Variants in LRRC4C observed in about 807,000 individuals in gnomAD.
LRRC4C encodes the protein leucine rich repeat containing 4C, also known as leucine-rich repeat-containing protein 4C.
LRRC4C carries 5 observed loss-of-function variants against 33.6 expected under a neutral mutation model. The ratio of observed to expected loss-of-function variants is 0.15; its 90% CI spans 0.08 to 0.31. The LOEUF (loss-of-function observed/expected upper bound fraction) is 0.31, where lower values mean the gene tolerates loss of function less well. Ranked by LOEUF, LRRC4C falls within the 10% of genes least tolerant of loss-of-function variation. LRRC4C has a pLI of 1.00. For synonymous variants in LRRC4C, 329 were observed against 302.0 expected (o/e 1.09, Z -0.93); for missense variants, 560 against 796.7 (o/e 0.70, Z 3.58).
intron 1 of LRRC4C, among the ~76,000 whole-genome samples, chr11:41,310,671 A>C (rs1204960423): frequency 6.6e-6 from 1 of 152,186 alleles, no homozygotes; most frequent in Non-Finnish European, 1.5e-5. Flanking sequence ...GCCTTAGTTT[A>C]AAAATTAGAG....
At chr11:40,209,668 A>G (rs1055643421) in intron 5 of LRRC4C, among the ~76,000 whole-genome samples, 8 of 152,166 alleles carry the variant, frequency 5.3e-5, no homozygotes, top group African/African-American at 1.7e-4. Context: ...TCAGCCTCCC[A>G]AGTAGCTGGG....
intron 3 of LRRC4C, among the ~76,000 whole-genome samples, chr11:40,379,288 T>A (rs1370200322): frequency 6.6e-6 from 1 of 151,986 alleles, no homozygotes; most frequent in East Asian, 1.9e-4. Context: ...ATATAAAATA[T>A]AAAATTATTT....
At chr11:40,629,362 G>C (rs2136003774) in intron 3 of LRRC4C, among the ~76,000 whole-genome samples, 1 of 151,980 alleles carries the variant, frequency 6.6e-6, no homozygotes, top group East Asian at 1.9e-4. Context: ...AGATTCTCAT[G>C]CCCTTGAAAA....
chr11:40,796,659 T>TTTTTTTG (rs1950843403), intron 2 of LRRC4C, among the ~76,000 whole-genome samples: 1 of 125,628 alleles, frequency 8.0e-6, no homozygotes, highest in Non-Finnish European at 1.6e-5. Context: ...TTTTTTTTTT[T>TTTTTTTG]ATTTTGAGAC....
intron 3 of LRRC4C, among the ~76,000 whole-genome samples, chr11:40,444,547 A>G (rs1951544508): frequency 6.6e-6 from 1 of 151,978 alleles, no homozygotes; most frequent in South Asian, 2.1e-4. Context: ...AGATAATGAA[A>G]CAAAATCATA....
At chr11:41,308,243 C>CT (rs1241650319) in intron 1 of LRRC4C, among the ~76,000 whole-genome samples, 4 of 152,090 alleles carry the variant, frequency 2.6e-5, no homozygotes, top group African/African-American at 7.2e-5. Context: ...TGAGGGATTG[C>CT]TTTTTTTCAC....
At chr11:40,195,833 G>A (rs904295306) in intron 5 of LRRC4C, among the ~76,000 whole-genome samples, 3 of 152,050 alleles carry the variant, frequency 2.0e-5, no homozygotes, top group African/African-American at 7.2e-5. Context: ...CTTAGAACTT[G>A]TCTGAGAGGC....
At chr11:40,153,080 T>C (rs10160235) in intron 5 of LRRC4C, among the ~76,000 whole-genome samples, 86,039 of 152,042 alleles carry the variant, frequency 0.57, 25,629 homozygotes, top group Non-Finnish European at 0.68. Context: ...CTGATATTCA[T>C]GACTGAGAGA....
intron 1 of LRRC4C, among the ~76,000 whole-genome samples, chr11:41,079,519 C>T (rs1048674168): frequency 1.3e-5 from 2 of 151,946 alleles, no homozygotes; most frequent in African/African-American, 2.4e-5. Flanking sequence ...AACTTATGTG[C>T]CCCCCAAGAG....
intron 1 of LRRC4C, among the ~76,000 whole-genome samples, chr11:41,278,604 C>T (rs1949555876): frequency 2.0e-5 from 3 of 152,182 alleles, no homozygotes; most frequent in Admixed American, 2.0e-4. Context: ...CTGGGCCTCG[C>T]CCCCTGTGTT....
chr11:40,534,089 A>G (rs1423870095), intron 3 of LRRC4C, among the ~76,000 whole-genome samples: 1 of 152,138 alleles, frequency 6.6e-6, no homozygotes, highest in Non-Finnish European at 1.5e-5. Flanking sequence ...AGATAAGTGA[A>G]TTCAGAAAGT....
At chr11:41,095,108 GT>G (rs1465358310) in intron 1 of LRRC4C, among the ~76,000 whole-genome samples, 1 of 152,148 alleles carries the variant, frequency 6.6e-6, no homozygotes, top group Non-Finnish European at 1.5e-5. Flanking sequence ...TTGACTCACA[GT>G]TCTGCATAGC....
intron 5 of LRRC4C, among the ~76,000 whole-genome samples, chr11:40,181,586 C>T (rs1300936697): frequency 2.0e-5 from 3 of 152,168 alleles, no homozygotes; most frequent in Admixed American, 2.0e-4. Flanking sequence ...TCCTAGAGAG[C>T]TATGTAAAAC....
chr11:40,213,926 GA>G (rs888145753), intron 5 of LRRC4C, among the ~76,000 whole-genome samples: 7 of 150,066 alleles, frequency 4.7e-5, no homozygotes, highest in Non-Finnish European at 7.4e-5. Flanking sequence ...TTGAAAATGA[GA>G]AAAAAAAAGG....
chr11:41,043,929 T>C (rs1234879483), intron 1 of LRRC4C, among the ~76,000 whole-genome samples: 3 of 151,782 alleles, frequency 2.0e-5, no homozygotes, highest in African/African-American at 7.3e-5. Flanking sequence ...CTCTATTTGA[T>C]GGACAAAAAC....
At chr11:40,565,143 T>C (rs1957703892) in intron 3 of LRRC4C, among the ~76,000 whole-genome samples, 1 of 152,166 alleles carries the variant, frequency 6.6e-6, no homozygotes, top group African/African-American at 2.4e-5. Context: ...ATGTGATTCA[T>C]TCCACTTTCT....
At chr11:40,738,174 A>G (rs2136872665) in intron 2 of LRRC4C, among the ~76,000 whole-genome samples, 1 of 152,296 alleles carries the variant, frequency 6.6e-6, no homozygotes, top group Admixed American at 6.5e-5. Flanking sequence ...CCATATACAG[A>G]AAACTGAAAC....
At chr11:40,169,301 T>C (rs889555366) in intron 5 of LRRC4C, among the ~76,000 whole-genome samples, 2 of 152,164 alleles carry the variant, frequency 1.3e-5, no homozygotes, top group Non-Finnish European at 2.9e-5. Flanking sequence ...TCAACATTAT[T>C]CTATCAGGGT....
At chr11:40,603,144 CA>C (rs1307289767) in intron 3 of LRRC4C, among the ~76,000 whole-genome samples, 1 of 152,118 alleles carries the variant, frequency 6.6e-6, no homozygotes, top group Non-Finnish European at 1.5e-5. Flanking sequence ...GACAATTACT[CA>C]CAATGCAGAT....
Sources: allele counts gnomAD v4.1 joint callset (sites outside exome capture counted in the v4.1 genomes callset), GRCh38; gene constraint gnomAD v4.1.1; transcripts MANE v1.5; gene names NCBI Gene and HGNC (gene_info 2026-07-23, HGNC 2026-07-21).